KIF3B: variants seen among roughly 807,000 people sequenced by gnomAD.
KIF3B encodes kinesin-like protein KIF3B.
A neutral mutation model predicts 74.3 loss-of-function variants in KIF3B; 38 were observed. The observed-to-expected ratio is 0.51, with a 90% CI of 0.39 to 0.67. KIF3B has a LOEUF of 0.67. Among genes scored for constraint, KIF3B ranks in the 30% least tolerant of loss-of-function variants. KIF3B has a pLI of 0.00. For missense variants in KIF3B, 649 were observed against 932.0 expected (o/e 0.70, Z 3.95); for synonymous variants, 326 against 342.5 (o/e 0.95, Z 0.53).
intron 1 of KIF3B, among the ~76,000 whole-genome samples, chr20:32,306,406 A>G (rs945253764): frequency 1.3e-5 from 2 of 151,984 alleles, no homozygotes; most frequent in Non-Finnish European, 2.9e-5. Context: ...AAGAAAAAAA[A>G]AATTATTGAT....
At chr20:32,322,952 A>ATATATATACACATATT (rs1287280089) in intron 5 of KIF3B, among the ~76,000 whole-genome samples, 1 of 22,750 alleles carries the variant, frequency 4.4e-5, no homozygotes, top group Non-Finnish European at 5.9e-5. Flanking sequence ...ATACATATTT[A>ATATATATACACATATT]TATATATACA....
At chr20:32,295,645 C>T (rs1403983183) in intron 1 of KIF3B, among the ~76,000 whole-genome samples, 1 of 151,858 alleles carries the variant, frequency 6.6e-6, no homozygotes, top group African/African-American at 2.4e-5. Context: ...TATTTCATTA[C>T]TTTCTTATTT....
intron 1 of KIF3B, among the ~76,000 whole-genome samples, chr20:32,288,132 C>T (rs769603243): frequency 3.3e-5 from 5 of 151,844 alleles, no homozygotes; most frequent in Non-Finnish European, 7.4e-5. Flanking sequence ...CTGCCCATCT[C>T]GGCCTCCCAA....
chr20:32,288,808 A>G (rs1327563548), intron 1 of KIF3B, among the ~76,000 whole-genome samples: 3 of 152,088 alleles, frequency 2.0e-5, no homozygotes, highest in Admixed American at 6.6e-5. Context: ...GAGAGCAAGC[A>G]TATCATTATA....
intron 1 of KIF3B, among the ~76,000 whole-genome samples, chr20:32,300,333 A>G (rs2047737464): frequency 6.6e-6 from 1 of 151,832 alleles, no homozygotes; most frequent in African/African-American, 2.4e-5. Flanking sequence ...GCTGGAGTGC[A>G]GTGGTGCGAT....
intron 1 of KIF3B, among the ~76,000 whole-genome samples, chr20:32,300,790 A>G (rs779894174): frequency 9.9e-5 from 15 of 152,184 alleles, no homozygotes; most frequent in Non-Finnish European, 2.1e-4. Context: ...ACATATGCAA[A>G]GCTTTTTACT....
chr20:32,288,378 T>G (rs2047676849), intron 1 of KIF3B, among the ~76,000 whole-genome samples: 1 of 152,016 alleles, frequency 6.6e-6, no homozygotes, highest in South Asian at 2.1e-4. Flanking sequence ...TACTCCCAAC[T>G]ACTCGGGAAG....
At chr20:32,281,716 CAAAAA>C (rs2047643810) in intron 1 of KIF3B, among the ~76,000 whole-genome samples, 1 of 151,608 alleles carries the variant, frequency 6.6e-6, no homozygotes, top group African/African-American at 2.4e-5. Context: ...GACTCCATCT[CAAAAA>C]GAAAAAAAAC....
intron 1 of KIF3B, among the ~76,000 whole-genome samples, chr20:32,301,166 C>T (rs773074570): frequency 6.8e-6 from 1 of 146,024 alleles, no homozygotes; most frequent in Non-Finnish European, 1.5e-5. Context: ...CGGCTCACTG[C>T]AGCCTCCACC....
chr20:32,280,955 A>G (rs2047640332), intron 1 of KIF3B, among the ~76,000 whole-genome samples: 1 of 152,180 alleles, frequency 6.6e-6, no homozygotes, highest in Non-Finnish European at 1.5e-5. Context: ...TTGGCTGCAG[A>G]GTGAAGCCAC....
chr20:32,283,856 G>A (rs564535234), intron 1 of KIF3B, among the ~76,000 whole-genome samples: 22 of 152,230 alleles, frequency 1.4e-4, no homozygotes, highest in Non-Finnish European at 1.8e-4. Context: ...TTGTCCAGGC[G>A]TCTTGGCCAC....
At chr20:32,321,304 C>A (rs910321750) in intron 5 of KIF3B, among the ~76,000 whole-genome samples, 1 of 151,928 alleles carries the variant, frequency 6.6e-6, no homozygotes, top group Admixed American at 6.6e-5. Flanking sequence ...TGGTGCACAC[C>A]TGTAGTCCCA....
Position 32,310,786 on chromosome 20 carries a change from G to A in KIF3B, c.1009G>A (p.Ala337Thr). Residue 337 changes from alanine to threonine, a missense_variant, in exon 2 of 9, where the codon GCC becomes ACC. Physicochemically the swap from Ala to Thr is moderately conservative, Grantham distance 58 (BLOSUM62 0). This residue lies in a region of KIF3B where 363 missense variants were observed against 592.8 expected (regional missense o/e 0.61). Coordinates refer to ENST00000375712, the MANE Select transcript of KIF3B (RefSeq NM_004798.4). The surrounding 1 kb of genome is among the most constrained non-coding windows in gnomAD (Gnocchi z 6.5). ...TLTTLRYANR[A>T]KNIKNKPRVN... ...GACCACTCTGCGATATGCCAACCGT[G>A]CCAAAAACATTAAGAACAAACCAAG... is the stretch of plus-strand genomic sequence containing the variant. 7 of 1,614,114 alleles carry A rather than the reference G, an allele frequency of 4.3e-6. No individual in the cohort carries two copies. The highest frequency in any genetic ancestry group is 5.1e-6 in the Non-Finnish European group (6 of 1,180,022).
intron 5 of KIF3B, among the ~76,000 whole-genome samples, chr20:32,321,123 T>C (rs1252098538): frequency 6.6e-6 from 1 of 152,110 alleles, no homozygotes; most frequent in Non-Finnish European, 1.5e-5. Flanking sequence ...CATTTCATTG[T>C]CTTGGCATAC....
At position 32,330,257 on chromosome 20, in the gene KIF3B, A is replaced by G; in HGVS notation, c.2085A>G (p.Glu695=). Residue 695 remains glutamate (E), a synonymous_variant, in exon 8 of 9, where the codon GAA becomes GAG. Coordinates refer to ENST00000375712, the MANE Select transcript of KIF3B (RefSeq NM_004798.4). ...QAALDAALQD[E]DEIQVDASSF... ...CATTGGATGCGGCTCTGCAGGATGAAGATGAGATACAGGTGGATGCATCAT... is the reference window on the plus strand; with the variant it reads ...CATTGGATGCGGCTCTGCAGGATGAGGATGAGATACAGGTGGATGCATCAT... 6.2e-7 allele frequency: 1 copy of G among 1,614,182 alleles called. No individual in the cohort carries two copies. The highest frequency in any genetic ancestry group is 8.5e-7 in the Non-Finnish European group (1 of 1,180,004).
chr20:32,285,316 A>C (rs573269537), intron 1 of KIF3B, among the ~76,000 whole-genome samples: 13 of 152,312 alleles, frequency 8.5e-5, no homozygotes, highest in African/African-American at 3.1e-4. Context: ...TGAGTCATTT[A>C]GCTCTAAGCT....
At chr20:32,304,151 T>C (rs6057559) in intron 1 of KIF3B, among the ~76,000 whole-genome samples, 101,733 of 152,164 alleles carry the variant, frequency 0.67, 35,542 homozygotes, top group East Asian at 0.99. Context: ...TTCTAGACAA[T>C]AATATTTTAT....
chr20:32,316,584 G>T lies in KIF3B; in HGVS notation c.1564G>T (p.Glu522Ter). Residue 522 changes from glutamate (E) to a stop codon, truncating the protein, a stop_gained, in exon 4 of 9, where the codon GAA (glutamate) becomes TAA (stop). Transcript: ENST00000375712. LOFTEE classifies it high-confidence loss of function. ...GGAAAGTCGAGATGAGGAGACCTTG[G>T]AACTTAAAGAGACATACAGCTCATT... The part of the protein sequence containing the change: ...QMESRDEETL[E>*]LKETYSSLQQ... The T allele has an allele frequency of 1.2e-6, 2 of 1,614,100 alleles. No homozygotes were observed. Among genetic ancestry groups the T allele is most frequent in the Non-Finnish European group, 1.7e-6 (2 of 1,180,018 alleles).
intron 5 of KIF3B, among the ~76,000 whole-genome samples, chr20:32,319,585 T>TTTTTTTTTTTTTTTTTTTGTG (rs2047848351): frequency 7.2e-6 from 1 of 138,850 alleles, no homozygotes; most frequent in Admixed American, 7.7e-5. Context: ...TGTTTTTGTT[T>TTTTTTTTTTTTTTTTTTTGTG]TTTTTTTTTT....
Sources: gnomAD v4.1 joint callset for allele counts (sites outside exome capture counted in the v4.1 genomes callset) on GRCh38, gnomAD v4.1.1 for gene constraint, gnomAD v4.1.1 regional missense constraint, Gnocchi (gnomAD v3.1) non-coding constraint, MANE v1.5 for transcripts, NCBI Gene and HGNC (gene_info 2026-07-23, HGNC 2026-07-21) for gene names.